The following PGM1 variants were observed in gnomAD, a reference collection of about 807,000 sequenced individuals.
PGM1 encodes the protein phosphoglucomutase-1.
Under a neutral mutation model 55.6 loss-of-function variants are expected in PGM1, and 52 were observed. The ratio of observed to expected loss-of-function variants is 0.94; its 90% CI spans 0.75 to 1.18. The LOEUF (loss-of-function observed/expected upper bound fraction) is 1.18. Ranked by LOEUF, PGM1 falls within the 50% of genes most tolerant of loss-of-function variation. The probability of loss-of-function intolerance (pLI) is 0.00; values close to 1 mark genes in which losing one functional copy is unlikely to be tolerated. For synonymous variants in PGM1, 287 were observed against 271.7 expected (o/e 1.06, Z -0.55); for missense variants, 724 against 729.3 (o/e 0.99, Z 0.08).
intron 3 of PGM1, among the ~76,000 whole-genome samples, chr1:63,631,148 G>T (rs1557432046): frequency 6.6e-6 from 1 of 152,072 alleles, no homozygotes; most frequent in Non-Finnish European, 1.5e-5. Context: ...TATTCCTTAA[G>T]CAGTACCTGT....
intron 1 of PGM1, among the ~76,000 whole-genome samples, chr1:63,605,001 A>G (rs1557703471): frequency 6.7e-6 from 1 of 150,188 alleles, no homozygotes; most frequent in Non-Finnish European, 1.5e-5. Context: ...TATGTAGACC[A>G]GTCACTAGCC....
At chr1:63,636,970 A>G (rs932673712) in intron 6 of PGM1, among the ~76,000 whole-genome samples, 4 of 152,224 alleles carry the variant, frequency 2.6e-5, no homozygotes, top group African/African-American at 4.8e-5. Context: ...TTCATTGTAC[A>G]AAGGCTTTGA....
intron 1 of PGM1, among the ~76,000 whole-genome samples, chr1:63,616,824 A>G (rs1339076127): frequency 6.6e-6 from 1 of 152,156 alleles, no homozygotes; most frequent in Non-Finnish European, 1.5e-5. Flanking sequence ...CCTTCTTCCA[A>G]TTTTAATGTA....
At position 63,634,871 on chromosome 1, in the gene PGM1, G is replaced by A; in HGVS notation, c.725G>A (p.Gly242Asp). The change falls in exon 5 of 11, where the codon GGT (glycine) becomes GAT (aspartate). Residue 242 changes from glycine (G) to aspartate (D), a missense_variant. Physicochemically the swap from Gly to Asp is moderately conservative, Grantham distance 94. Around this residue, in one of 3 missense-constraint regions of PGM1, gnomAD observed 379 missense variants for 357.5 expected, o/e 1.06. Coordinates refer to ENST00000371084, the MANE Select transcript of PGM1 (RefSeq NM_002633.3). ...YVKKILCEELGAPANSAVNCV... is the reference protein window; with the variant it reads ...YVKKILCEELDAPANSAVNCV... ...AAGAAGATCCTCTGTGAAGAACTCG[G>A]TGCCCCTGCGAACTCGGCAGTTAAC... The A allele has an allele frequency of 1.2e-6, 2 of 1,613,686 alleles. No individual in the cohort carries two copies. The highest frequency in any genetic ancestry group is 1.8e-4 in the Middle Eastern group (1 of 5,704).
intron 2 of PGM1, 122 bp from the exon 3 acceptor site, chr1:63,629,820 C>G (rs962906506): frequency 8.1e-7 from 1 of 1,229,024 alleles, no homozygotes; most frequent in African/African-American, 1.5e-5. Context: ...AATCCTGCTA[C>G]TTTGCTGACT....
At chr1:63,656,030 T>C (rs1649955734) in intron 10 of PGM1, 1 of 151,932 alleles carries the variant, frequency 6.6e-6, no homozygotes, top group African/African-American at 2.4e-5. Context: ...CCTGGTGACA[T>C]AGCAAGACCC....
chr1:63,595,950 C>T (rs1214336102), intron 1 of PGM1, among the ~76,000 whole-genome samples: 1 of 152,186 alleles, frequency 6.6e-6, no homozygotes, highest in Non-Finnish European at 1.5e-5. Flanking sequence ...ATTTCTCATT[C>T]TCACCTCCGG....
intron 3 of PGM1, among the ~76,000 whole-genome samples, chr1:63,630,678 C>T (rs903956145): frequency 6.6e-6 from 1 of 152,168 alleles, no homozygotes; most frequent in Non-Finnish European, 1.5e-5. Flanking sequence ...ACATAGGCAG[C>T]TGTGGCTAAC....
At chr1:63,624,519 A>C (rs1299038805) in intron 1 of PGM1, among the ~76,000 whole-genome samples, 1 of 152,218 alleles carries the variant, frequency 6.6e-6, no homozygotes, top group African/African-American at 2.4e-5. Flanking sequence ...CGTGCAGCCC[A>C]CTGGTTTCCA....
At chr1:63,653,238 A>T (rs1649869232) in intron 9 of PGM1, among the ~76,000 whole-genome samples, 1 of 152,226 alleles carries the variant, frequency 6.6e-6, no homozygotes, top group Non-Finnish European at 1.5e-5. Flanking sequence ...ATATGATCCA[A>T]CATATATAGA....
At chr1:63,634,728 T>A in intron 4 of PGM1, 101 bp from the exon 5 acceptor site, 1 of 936,374 alleles carries the variant, frequency 1.1e-6, no homozygotes, top group Admixed American at 1.9e-5. Context: ...TCTCATGCCA[T>A]TCTTCTCCCC....
At chr1:63,647,277 T>TATAC (rs1649677981) in intron 7 of PGM1, among the ~76,000 whole-genome samples, 1 of 50,130 alleles carries the variant, frequency 2.0e-5, no homozygotes, top group Non-Finnish European at 3.4e-5. Context: ...TATATATATA[T>TATAC]ATATATATAT....
chr1:63,632,517 C>T (rs2269251), intron 4 of PGM1, among the ~76,000 whole-genome samples: 3,724 of 152,262 alleles, frequency 0.024, 197 homozygotes, highest in East Asian at 0.24. Flanking sequence ...TGAAACTTCT[C>T]CCCTTGGGTC....
intron 1 of PGM1, among the ~76,000 whole-genome samples, chr1:63,628,407 A>G (rs1649095696): frequency 6.6e-6 from 1 of 152,172 alleles, no homozygotes; most frequent in Non-Finnish European, 1.5e-5. Context: ...GACGGTTTTC[A>G]ATGGGCTATG....
intron 7 of PGM1, among the ~76,000 whole-genome samples, chr1:63,645,691 C>T (rs545853840): frequency 3.3e-5 from 5 of 152,206 alleles, no homozygotes; most frequent in South Asian, 2.1e-4. Context: ...TGCCTGCATC[C>T]GGGTTTTGAG....
intron 9 of PGM1, among the ~76,000 whole-genome samples, chr1:63,652,722 G>T (rs1213117861): frequency 6.6e-6 from 1 of 152,148 alleles, no homozygotes; most frequent in Non-Finnish European, 1.5e-5. Context: ...GGTTTGGAAG[G>T]GCCGGGCCGT....
intron 7 of PGM1, among the ~76,000 whole-genome samples, chr1:63,643,413 G>A (rs1041673115): frequency 6.6e-6 from 1 of 152,180 alleles, no homozygotes; most frequent in Non-Finnish European, 1.5e-5. Flanking sequence ...TGCTTATCAG[G>A]CACTTAAACT....
chr1:63,597,972 A>G (rs1013138275), intron 1 of PGM1, among the ~76,000 whole-genome samples: 1 of 152,184 alleles, frequency 6.6e-6, no homozygotes, highest in South Asian at 2.1e-4. Flanking sequence ...CTCAGAATAT[A>G]TATTTTTAAA....
At chr1:63,633,081 G>T (rs946822008) in intron 4 of PGM1, among the ~76,000 whole-genome samples, 1 of 152,112 alleles carries the variant, frequency 6.6e-6, no homozygotes, top group African/African-American at 2.4e-5. Context: ...ATGAGAGTTG[G>T]AATTTCAAGT....
Sources: gnomAD v4.1 joint callset for allele counts (sites outside exome capture counted in the v4.1 genomes callset) on GRCh38, gnomAD v4.1.1 for gene constraint, gnomAD v4.1.1 regional missense constraint, MANE v1.5 for transcripts, NCBI Gene and HGNC (gene_info 2026-07-23, HGNC 2026-07-21) for gene names.